Variants in RIMS2 observed in about 807,000 individuals in gnomAD.
RIMS2 encodes the protein regulating synaptic membrane exocytosis protein 2.
A neutral mutation model predicts 174.4 loss-of-function variants in RIMS2; 59 were observed. The observed-to-expected ratio is 0.34, with a 90% confidence interval of 0.27 to 0.42. The LOEUF is 0.42. RIMS2 is among the 10% of genes least tolerant of loss of function. The probability of loss-of-function intolerance (pLI) is 1.00; values close to 1 mark genes in which losing one functional copy is unlikely to be tolerated. For synonymous variants in RIMS2, 606 were observed against 572.5 expected (o/e 1.06, Z -0.84); for missense variants, 1,620 against 1,666.3 (o/e 0.97, Z 0.48).
intron 17 of RIMS2, among the ~76,000 whole-genome samples, chr8:104,007,416 T>C (rs1363708760): frequency 6.6e-6 from 1 of 152,182 alleles, no homozygotes; most frequent in African/African-American, 2.4e-5. Flanking sequence ...ACCTCTTAAC[T>C]AGACATTAAA....
At chr8:103,607,912 T>A (rs866058190) in intron 1 of RIMS2, among the ~76,000 whole-genome samples, 9,829 of 122,706 alleles carry the variant, frequency 0.08, 180 homozygotes, top group African/African-American at 0.099. Context: ...CTAAATTTTT[T>A]TCAAAGTTTT....
chr8:103,590,523 T>A (rs190170122), intron 1 of RIMS2, among the ~76,000 whole-genome samples: 1 of 151,346 alleles, frequency 6.6e-6, no homozygotes, highest in East Asian at 1.9e-4. Flanking sequence ...CAACTTACCA[T>A]GAAAAATTTC....
chr8:103,743,143 ACT>A (rs1378023897), intron 2 of RIMS2, among the ~76,000 whole-genome samples: 1 of 152,114 alleles, frequency 6.6e-6, no homozygotes, highest in Non-Finnish European at 1.5e-5. Context: ...ACAGAAGAAA[ACT>A]CTGCACCTTT....
At position 103,652,251 on chromosome 8, in the gene RIMS2, T is replaced by G; in HGVS notation, c.177-44835T>G. The G allele has an allele frequency of 7.5e-7, 1 of 1,340,944 alleles. No homozygotes were observed. The highest frequency in any genetic ancestry group is 9.9e-7 in the Non-Finnish European group (1 of 1,012,160). 83.1% of individuals were successfully genotyped at this position (1,340,944 alleles called of 1,614,324 possible). On this transcript the variant is annotated intron_variant, in intron 1 of 23. Coordinates refer to ENST00000504942, the Ensembl canonical transcript of RIMS2. ...ACAACTGACACAGTAAGTAAATGTATTAAGAGTGTAGTAGGCTTGACTTCT... is the reference window on the plus strand; with the variant it reads ...ACAACTGACACAGTAAGTAAATGTAGTAAGAGTGTAGTAGGCTTGACTTCT...
chr8:103,537,383 C>G (rs1840314197), intron 1 of RIMS2, among the ~76,000 whole-genome samples: 1 of 152,152 alleles, frequency 6.6e-6, no homozygotes, highest in Non-Finnish European at 1.5e-5. Context: ...TAGAATAGTT[C>G]AAAATGTATC....
chr8:103,805,861 C>T (rs1456363977), intron 3 of RIMS2, among the ~76,000 whole-genome samples: 2 of 152,018 alleles, frequency 1.3e-5, no homozygotes, highest in African/African-American at 4.8e-5. Context: ...CAGACTTAAT[C>T]AGTTGTGATA....
At chr8:103,726,354 T>C (rs1257848157) in intron 2 of RIMS2, among the ~76,000 whole-genome samples, 1 of 152,176 alleles carries the variant, frequency 6.6e-6, no homozygotes, top group African/African-American at 2.4e-5. Flanking sequence ...ATTTTCTTAA[T>C]GGTGTATTTT....
chr8:103,819,186 A>G lies in RIMS2; in HGVS notation c.698+52649A>G, dbSNP rs569480683. On this transcript the variant is annotated intron_variant, in intron 3 of 23. Transcript: ENST00000504942. ...GCATGTTTTTAATAGGCTTAGAGAA[A>G]TATGAGTAGAGTACATGAAAGCAGC... The G allele has an allele frequency of 5.3e-6, 6 of 1,126,988 alleles. No homozygotes were observed. The African/African-American group carries it at 8.2e-5, about 15-fold the overall frequency. 69.8% of individuals were successfully genotyped at this position (1,126,988 alleles called of 1,614,324 possible). A position where few individuals can be genotyped will look rare whatever the true frequency, so the allele number is the denominator to read the frequency against.
chr8:104,226,179 T>C (rs920914694), intron 19 of RIMS2, among the ~76,000 whole-genome samples: 2 of 152,222 alleles, frequency 1.3e-5, no homozygotes, highest in Non-Finnish European at 2.9e-5. Flanking sequence ...CACTGGTTAA[T>C]AGCAACTTGT....
At chr8:103,570,270 A>G (rs904096226) in intron 1 of RIMS2, among the ~76,000 whole-genome samples, 1 of 152,212 alleles carries the variant, frequency 6.6e-6, no homozygotes, top group Non-Finnish European at 1.5e-5. Flanking sequence ...TGTTGCCAGC[A>G]CATTCTCCAC....
At chr8:104,236,782 C>T (rs984953696) in intron 19 of RIMS2, among the ~76,000 whole-genome samples, 4 of 151,812 alleles carry the variant, frequency 2.6e-5, no homozygotes, top group Admixed American at 6.6e-5. Flanking sequence ...CCAAGAAGAG[C>T]GTAAGGAGAC....
intron 1 of RIMS2, among the ~76,000 whole-genome samples, chr8:103,506,374 A>G (rs7843598): frequency 0.066 from 10,020 of 152,198 alleles, 1,092 homozygotes; most frequent in African/African-American, 0.23. Context: ...AAGTGTGATA[A>G]ACCAGATGAA....
chr8:103,992,318 G>A (rs563208272), intron 17 of RIMS2, among the ~76,000 whole-genome samples: 37 of 142,672 alleles, frequency 2.6e-4, no homozygotes, highest in Non-Finnish European at 4.4e-4. Context: ...TGGAAACGGG[G>A]TTTCGCCATG....
At chr8:103,687,640 G>T (rs2096958878) in intron 1 of RIMS2, among the ~76,000 whole-genome samples, 2 of 151,894 alleles carry the variant, frequency 1.3e-5, no homozygotes, top group African/African-American at 4.8e-5. Flanking sequence ...CTGAAATTTT[G>T]TATCCTTTGA....
intron 19 of RIMS2, among the ~76,000 whole-genome samples, chr8:104,074,598 C>T (rs1358859951): frequency 6.6e-6 from 1 of 151,920 alleles, no homozygotes; most frequent in African/African-American, 2.4e-5. Flanking sequence ...GTTCCCTTTA[C>T]TCTCAAATAA....
intron 19 of RIMS2, among the ~76,000 whole-genome samples, chr8:104,225,816 G>A (rs993054253): frequency 6.6e-6 from 1 of 152,140 alleles, no homozygotes; most frequent in Non-Finnish European, 1.5e-5. Flanking sequence ...TTCTCTACTA[G>A]TAACTAGAGA....
chr8:103,962,967 G>GT (rs1057265578), intron 15 of RIMS2, among the ~76,000 whole-genome samples: 1 of 151,562 alleles, frequency 6.6e-6, no homozygotes, highest in Non-Finnish European at 1.5e-5. Context: ...GGTATATGTA[G>GT]TTTTTTTTCA....
intron 5 of RIMS2, chr8:103,910,520 T>C: frequency 6.3e-7 from 1 of 1,588,624 alleles, no homozygotes; most frequent in Non-Finnish European, 8.5e-7. Flanking sequence ...AGCATAGCCA[T>C]AGTGATAAGG....
At chr8:103,556,391 A>G (rs1850463193) in intron 1 of RIMS2, among the ~76,000 whole-genome samples, 1 of 152,178 alleles carries the variant, frequency 6.6e-6, no homozygotes, top group African/African-American at 2.4e-5. Context: ...AAAATGACAT[A>G]CTTTCTCAAG....
Sources: gnomAD v4.1 joint callset for allele counts (sites outside exome capture counted in the v4.1 genomes callset) on GRCh38, gnomAD v4.1.1 for gene constraint, MANE v1.5 for transcripts, NCBI Gene and HGNC (gene_info 2026-07-23, HGNC 2026-07-21) for gene names.